The following SNX29 variants were observed in gnomAD, a reference collection of about 807,000 sequenced individuals.
The protein encoded by SNX29 is sorting nexin 29, also known as sorting nexin-29.
A neutral mutation model predicts 102.1 loss-of-function variants in SNX29; 78 were observed. The ratio of observed to expected loss-of-function variants is 0.76; its 90% CI spans 0.64 to 0.92. SNX29 has a LOEUF of 0.92. Among genes scored for constraint, SNX29 ranks in the 40% least tolerant of loss-of-function variants. The pLI, the probability that SNX29 is intolerant of heterozygous loss-of-function variation, is 0.00. For missense variants in SNX29, 1,280 were observed against 1,061.7 expected, an observed-to-expected ratio of 1.21 and a Z score of -2.86; for synonymous variants, 580 against 414.5, an observed-to-expected ratio of 1.40 and a Z score of -4.85.
At position 12,356,226 on chromosome 16, in the gene SNX29, A is replaced by C; in HGVS notation, c.1846A>C (p.Lys616Gln). Residue 616 changes from lysine (K) to glutamine (Q), a missense_variant, in exon 16 of 21, where the codon AAG (lysine) becomes CAG (glutamine). By Grantham distance (53) the Lys-to-Gln change is moderately conservative (BLOSUM62 1). Transcript: ENST00000566228. ...GCGCCTGCACAGGGCCCTGGTAGCC[A>C]AGGAAGCCCTCGTGTCCCAGATGAG... ...NERLHRALVA[K>Q]EALVSQMRQE... 1 of 1,613,336 alleles carries C rather than the reference A, an allele frequency of 6.2e-7. No homozygotes were observed. The highest frequency in any genetic ancestry group is 8.5e-7 in the Non-Finnish European group (1 of 1,179,718).
At chr16:12,406,055 A>G (rs1265326041) in intron 18 of SNX29, among the ~76,000 whole-genome samples, 1 of 152,114 alleles carries the variant, frequency 6.6e-6, no homozygotes, top group Non-Finnish European at 1.5e-5. Context: ...CAAGTATGCT[A>G]TTTAATTCCA....
rs763763295 is a variant in SNX29 at position 12,398,454 on chromosome 16, A to T, written c.1908A>T (p.Gly636=). The T allele has an allele frequency of 6.2e-7, 1 of 1,613,928 alleles. No homozygotes were observed. The highest frequency in any genetic ancestry group is 8.5e-7 in the Non-Finnish European group (1 of 1,179,870). The change falls in exon 17 of 21, where the codon GGA becomes GGT. Residue 636 remains glycine (G), a synonymous_variant. Transcript: ENST00000566228. ...ELIDLRGPVP[G]DLSQTSEDQS... is the part of the protein sequence containing the mutation. ...CCTTCTCCTGATGGTAGGTGCCTGG[A>T]GATTTGAGTCAAACGTCCGAAGACC... is the stretch of plus-strand genomic sequence containing the variant.
intron 20 of SNX29, among the ~76,000 whole-genome samples, chr16:12,544,206 C>T (rs1270831344): frequency 6.6e-6 from 1 of 152,204 alleles, no homozygotes; most frequent in Non-Finnish European, 1.5e-5. Context: ...GGCTTCAGAA[C>T]CGTGACAGCC....
At chr16:12,261,632 G>A (rs1346018158) in intron 14 of SNX29, among the ~76,000 whole-genome samples, 2 of 140,874 alleles carry the variant, frequency 1.4e-5, no homozygotes, top group African/African-American at 2.7e-5. Flanking sequence ...ATGCGTCCCC[G>A]GCTGGAGTGA....
At chr16:12,528,556 A>C (rs1478045535) in intron 20 of SNX29, among the ~76,000 whole-genome samples, 1 of 151,928 alleles carries the variant, frequency 6.6e-6, no homozygotes, top group Non-Finnish European at 1.5e-5. Context: ...CCACTCTCCC[A>C]CACTTGGATG....
intron 13 of SNX29, among the ~76,000 whole-genome samples, chr16:12,155,186 C>T (rs1354605288): frequency 6.6e-6 from 1 of 152,166 alleles, no homozygotes; most frequent in East Asian, 1.9e-4. Context: ...TGTTGCTACT[C>T]TGCAGACCAG....
intron 20 of SNX29, among the ~76,000 whole-genome samples, chr16:12,540,276 G>T (rs956626717): frequency 6.6e-6 from 1 of 152,152 alleles, no homozygotes; most frequent in Non-Finnish European, 1.5e-5. Context: ...GTGGAGGGAG[G>T]ACAGGACTAG....
chr16:12,199,502 T>G (rs896149368), intron 13 of SNX29, 99 bp from the exon 14 acceptor site: 1 of 947,948 alleles, frequency 1.1e-6, no homozygotes, highest in Non-Finnish European at 1.6e-6. Flanking sequence ...CAAATTGTGC[T>G]TTTCTTTACA....
At chr16:12,325,662 C>T (rs191259205) in intron 15 of SNX29, among the ~76,000 whole-genome samples, 1 of 152,196 alleles carries the variant, frequency 6.6e-6, no homozygotes, top group Admixed American at 6.5e-5. Context: ...GACATCTTGG[C>T]AATTTCTGAG....
At position 12,568,851 on chromosome 16, in the gene SNX29, C is replaced by T. The variant is rs371877974; in HGVS notation, c.*222C>T. 17 of 656,494 alleles carry T rather than the reference C, an allele frequency of 2.6e-5. No homozygotes were observed. Among genetic ancestry groups the T allele is most frequent in the Non-Finnish European group, 4.2e-5 (17 of 401,018 alleles). The allele number at this position is 656,494 out of a possible 1,614,324, so 40.7% of individuals were successfully genotyped here. On this transcript the variant is annotated 3_prime_UTR_variant, in exon 21 of 21. Coordinates refer to ENST00000566228, the MANE Select transcript of SNX29 (RefSeq NM_032167.5). ...CCAAGGCAGCACCTCGCTGGAGAGA[C>T]TGGGACACACAGTCCTTCTGCTTCT...
chr16:12,526,258 C>T (rs967959794), intron 20 of SNX29, among the ~76,000 whole-genome samples: 3 of 152,038 alleles, frequency 2.0e-5, no homozygotes, highest in Non-Finnish European at 4.4e-5. Flanking sequence ...ATTTCTGCTC[C>T]CCTCTGTGGG....
At position 12,574,263 on chromosome 16, in the gene SNX29, A is replaced by T. The variant is rs565484183; in HGVS notation, c.*5634A>T. On this transcript the variant is annotated 3_prime_UTR_variant, in exon 21 of 21. Coordinates refer to ENST00000566228, the MANE Select transcript of SNX29 (RefSeq NM_032167.5). ...TCTTTACAATGACACAAATTGTGAC[A>T]TTTTATAAATTAGATACTTCAGTGG... 1 of 174,724 alleles carries T rather than the reference A, an allele frequency of 5.7e-6. No homozygotes were observed. The highest frequency in any genetic ancestry group is 1.2e-5 in the Non-Finnish European group (1 of 80,950). The allele number at this position is 174,724 out of a possible 1,614,324, so 10.8% of individuals were successfully genotyped here. A position where few individuals can be genotyped will look rare whatever the true frequency, so the allele number is the denominator to read the frequency against.
chr16:12,550,573 ACTTC>A (rs1438238327), intron 20 of SNX29, among the ~76,000 whole-genome samples: 106 of 151,836 alleles, frequency 7.0e-4, no homozygotes, highest in African/African-American at 2.4e-3. Context: ...GAGGATATAT[ACTTC>A]CACCGGTGCA....
chr16:12,338,691 T>C (rs1216594274), intron 15 of SNX29, among the ~76,000 whole-genome samples: 1 of 152,182 alleles, frequency 6.6e-6, no homozygotes, highest in Admixed American at 6.5e-5. Context: ...GCTAGCTTGA[T>C]AAGGGACATC....
chr16:12,555,547 G>C (rs1046775508), intron 20 of SNX29, among the ~76,000 whole-genome samples: 2 of 150,904 alleles, frequency 1.3e-5, no homozygotes, highest in South Asian at 2.1e-4. Flanking sequence ...AGGTCATACC[G>C]TGGGTTTGAG....
rs527606685 is a variant in SNX29, at chr16:12,569,716, C to G, written c.*1087C>G. The G allele has an allele frequency of 4.3e-6, 1 of 230,326 alleles. No homozygotes were observed. Among genetic ancestry groups the G allele is most frequent in the African/African-American group, 2.2e-5 (1 of 45,174 alleles). 14.3% of individuals were successfully genotyped at this position (230,326 alleles called of 1,614,324 possible). A position where few individuals can be genotyped will look rare whatever the true frequency, so the allele number is the denominator to read the frequency against. Reference sequence around the variant, plus strand: ...GGCAGGTGGAGAGGAGGATGGGGACCAGCAGCTGGGCAGCCCCCAGGGCTC... The same window carrying G: ...GGCAGGTGGAGAGGAGGATGGGGACGAGCAGCTGGGCAGCCCCCAGGGCTC... On this transcript the variant is annotated 3_prime_UTR_variant, in exon 21 of 21. Coordinates refer to ENST00000566228, the MANE Select transcript of SNX29 (RefSeq NM_032167.5).
At chr16:12,406,801 T>G (rs2084184380) in intron 18 of SNX29, among the ~76,000 whole-genome samples, 1 of 152,052 alleles carries the variant, frequency 6.6e-6, no homozygotes, top group Admixed American at 6.5e-5. Flanking sequence ...CCCAGCTACT[T>G]GGGAGGCTGA....
intron 13 of SNX29, among the ~76,000 whole-genome samples, chr16:12,188,534 A>T (rs1038715894): frequency 2.6e-5 from 4 of 152,056 alleles, no homozygotes; most frequent in African/African-American, 9.7e-5. Context: ...TGCACCCAGG[A>T]TATTTTGGGT....
intron 20 of SNX29, among the ~76,000 whole-genome samples, chr16:12,548,351 C>A (rs1311744464): frequency 6.6e-6 from 1 of 152,192 alleles, no homozygotes; most frequent in African/African-American, 2.4e-5. Context: ...TGACAGTGGG[C>A]ACTCTGCACC....
Sources: allele counts gnomAD v4.1 joint callset (sites outside exome capture counted in the v4.1 genomes callset), GRCh38; gene constraint gnomAD v4.1.1; transcripts MANE v1.5; gene names NCBI Gene and HGNC (gene_info 2026-07-23, HGNC 2026-07-21).